DNAH7: variants seen among roughly 807,000 people sequenced by gnomAD.
The protein encoded by DNAH7 is dynein axonemal heavy chain 7, also known as axonemal beta dynein heavy chain 7.
In DNAH7, 397 loss-of-function variants were observed where a neutral mutation model predicts 444.6. The observed-to-expected ratio is 0.89, with a 90% CI of 0.82 to 0.97. The LOEUF is 0.97. Ranked by LOEUF, DNAH7 falls within the 50% of genes least tolerant of loss-of-function variation. DNAH7 has a pLI of 0.00. For synonymous variants in DNAH7, 1,636 were observed against 1,624.4 expected, an observed-to-expected ratio of 1.01 and a Z score of -0.17; for missense variants, 4,902 against 4,800.8, an observed-to-expected ratio of 1.02 and a Z score of -0.62.
chr2:196,003,839 TCA>T (rs1372280386), intron 10 of DNAH7, among the ~76,000 whole-genome samples: 7 of 152,172 alleles, frequency 4.6e-5, no homozygotes, highest in Non-Finnish European at 8.8e-5. Flanking sequence ...GCTAAGAGTC[TCA>T]GAGTTTCAAG....
chr2:195,918,736 T>C (rs1009903974), intron 24 of DNAH7, among the ~76,000 whole-genome samples: 4 of 152,114 alleles, frequency 2.6e-5, no homozygotes, highest in Non-Finnish European at 5.9e-5. Flanking sequence ...TCGACAGGGG[T>C]TCTGCGGGAG....
At position 195,796,611 on chromosome 2, in the gene DNAH7, T is replaced by TTG; in HGVS notation, c.10479_10480insCA (p.Thr3494GlnfsTer15). On this transcript the variant is annotated frameshift_variant, in exon 56 of 65. Transcript: ENST00000312428. LOFTEE classifies it high-confidence loss of function. ...TTCTCAAGGGTTGGCATCCAAGAGG[T>TTG]GGCAAGGTGACAATTCTGAAGAACA... The TTG allele has an allele frequency of 6.2e-7, 1 of 1,614,152 alleles. No homozygotes were observed. Among genetic ancestry groups the TTG allele is most frequent in the Non-Finnish European group, 8.5e-7 (1 of 1,180,004 alleles).
In DNAH7 at chr2:195,857,506, G is replaced by A; in HGVS notation, c.8285C>T (p.Pro2762Leu). 1 of 1,613,784 alleles carries A rather than the reference G, an allele frequency of 6.2e-7. No homozygotes were observed. Among genetic ancestry groups the A allele is most frequent in the Non-Finnish European group, 8.5e-7 (1 of 1,179,850 alleles). ...LHEYDKDNIPPAYMNIIRKNY... is the reference protein window; with the variant it reads ...LHEYDKDNIPLAYMNIIRKNY... ...TTTTCTTATGATATTCATATAAGCT[G>A]GAGGAATATTGTCCTTGTCATATTC... The change falls in exon 44 of 65, where the codon CCA (proline) becomes CTA (leucine). Residue 2762 changes from proline to leucine, a missense_variant. Pro to Leu is a moderately conservative substitution (Grantham distance 98). Coordinates refer to ENST00000312428, the MANE Select transcript of DNAH7 (RefSeq NM_018897.3).
At chr2:195,934,935 CA>C in intron 20 of DNAH7, 146 bp from the exon 21 acceptor site, 2 of 783,322 alleles carry the variant, frequency 2.6e-6, no homozygotes, top group South Asian at 3.7e-5. Context: ...AACAAACAAA[CA>C]AAAAACACAA....
At chr2:195,955,703 G>A (rs1028625939) in intron 19 of DNAH7, among the ~76,000 whole-genome samples, 1 of 151,988 alleles carries the variant, frequency 6.6e-6, no homozygotes, top group Non-Finnish European at 1.5e-5. Flanking sequence ...TGGCAATATG[G>A]AATTTTGAAG....
chr2:195,827,552 G>C (rs766813847), intron 48 of DNAH7, among the ~76,000 whole-genome samples: 16 of 152,044 alleles, frequency 1.1e-4, no homozygotes, highest in Non-Finnish European at 2.4e-4. Flanking sequence ...AAAATGCTGG[G>C]ATTACAGGTG....
In DNAH7 at chr2:195,857,509, G is replaced by A. The variant is rs1350992578; in HGVS notation, c.8282C>T (p.Pro2761Leu). Residue 2761 changes from proline (P) to leucine (L), a missense_variant, in exon 44 of 65, where the codon CCT becomes CTT. Physicochemically the swap from Pro to Leu is moderately conservative, Grantham distance 98. Transcript: ENST00000312428. The stretch of plus-strand genomic sequence containing the variant: ...TCTTATGATATTCATATAAGCTGGA[G>A]GAATATTGTCCTTGTCATATTCATG... Reference protein sequence around the residue: ...SLHEYDKDNIPPAYMNIIRKN... With the variant: ...SLHEYDKDNILPAYMNIIRKN... 1.2e-6 allele frequency: 2 copies of A among 1,613,644 alleles called. No homozygotes were observed. Among genetic ancestry groups the A allele is most frequent in the Non-Finnish European group, 1.7e-6 (2 of 1,179,850 alleles).
intron 46 of DNAH7, 24 bp downstream of exon 46, chr2:195,853,319 A>C: frequency 6.3e-7 from 1 of 1,598,104 alleles, no homozygotes; most frequent in Non-Finnish European, 8.5e-7. Context: ...GAGGGTCAGG[A>C]AGAGATGGAA....
intron 48 of DNAH7, among the ~76,000 whole-genome samples, chr2:195,829,799 TCCC>T (rs1208436274): frequency 1.3e-5 from 2 of 151,984 alleles, no homozygotes; most frequent in Non-Finnish European, 2.9e-5. Context: ...TTGATTCTTT[TCCC>T]CCAATTTTGA....
chr2:195,762,314 G>A (rs1574391769), intron 61 of DNAH7, among the ~76,000 whole-genome samples: 1 of 152,048 alleles, frequency 6.6e-6, no homozygotes. Flanking sequence ...TCATTAAGAG[G>A]AGAGGAAGGA....
At chr2:195,965,693 G>C (rs1171693189) in intron 17 of DNAH7, among the ~76,000 whole-genome samples, 1 of 151,960 alleles carries the variant, frequency 6.6e-6, no homozygotes, top group Admixed American at 6.6e-5. Flanking sequence ...TTCAATCTTG[G>C]TACTTTGTGT....
rs562379191 is a variant in DNAH7 at position 195,895,384 on chromosome 2, C to CT, written c.4648-161dup. Among the ~76,000 whole-genome samples the CT allele has an allele frequency of 2.4e-4, 36 of 151,984 alleles. No individual in the cohort carries two copies. The East Asian group carries it at 6.8e-3, about 29-fold the overall frequency. On this transcript the variant is annotated intron_variant, in intron 29 of 64. Transcript: ENST00000312428. ...CACATACGCAAACGTGTATTTTTTT[C>CT]TTTTTTTCAATTTTTAAATTGTGAT...
At position 195,810,032 on chromosome 2, in the gene DNAH7, A is replaced by C. The variant is rs535401432; in HGVS notation, c.9762-161T>G. Among the ~76,000 whole-genome samples the C allele has an allele frequency of 3.3e-5, 5 of 152,266 alleles. No individual in the cohort carries two copies. The South Asian group carries it at 1.0e-3, about 32-fold the overall frequency. ...TTGGGTGTACCAATTTGAGAGCTAC[A>C]CAATGTAGAAACACTTCAGTCCAAT... On this transcript the variant is annotated intron_variant, in intron 51 of 64. Coordinates refer to ENST00000312428, the MANE Select transcript of DNAH7 (RefSeq NM_018897.3).
intron 22 of DNAH7, among the ~76,000 whole-genome samples, chr2:195,925,583 A>G (rs954283768): frequency 1.3e-5 from 2 of 152,134 alleles, no homozygotes; most frequent in African/African-American, 4.8e-5. Flanking sequence ...CTTGTAGAGG[A>G]GAAGTAGGTG....
chr2:195,756,749 T>A (rs1247197032), intron 61 of DNAH7, among the ~76,000 whole-genome samples: 1 of 152,126 alleles, frequency 6.6e-6, no homozygotes, highest in Non-Finnish European at 1.5e-5. Flanking sequence ...ATCCTAGGAC[T>A]TTGGGGCCGA....
At chr2:196,031,515 C>G (rs1160286031) in intron 5 of DNAH7, among the ~76,000 whole-genome samples, 1 of 152,158 alleles carries the variant, frequency 6.6e-6, no homozygotes, top group African/African-American at 2.4e-5. Context: ...CCTATCGTAT[C>G]GTCAGGCTGC....
rs1049296150 is a variant in DNAH7 at position 195,738,102 on chromosome 2, G to C, written c.11894C>G (p.Ala3965Gly). 2 of 1,613,678 alleles carry C rather than the reference G, an allele frequency of 1.2e-6. No individual in the cohort carries two copies. Among genetic ancestry groups the C allele is most frequent in the African/African-American group, 2.7e-5 (2 of 74,906 alleles). ...ATAACTTGGCCGTTTTGGTATATCT[G>C]CCCTCTTACAGGGCTTTAGCCACAT... ...PVMWLKPCKR[A>G]DIPKRPSYVA... The change falls in exon 65 of 65, where the codon GCA becomes GGA. Residue 3965 changes from alanine (A) to glycine (G), a missense_variant. By Grantham distance (60) the Ala-to-Gly change is moderately conservative. Transcript: ENST00000312428.
Position 195,737,941 on chromosome 2 carries a change from A to AGTAAAATAATATG in DNAH7, c.12054_12055insCATATTATTTTAC (p.Leu4019HisfsTer9), listed in dbSNP as rs1692738980. 1 of 1,613,914 alleles carries AGTAAAATAATATG rather than the reference A, an allele frequency of 6.2e-7. No individual in the cohort carries two copies. Among genetic ancestry groups the AGTAAAATAATATG allele is most frequent in the Admixed American group, 1.7e-5 (1 of 60,000 alleles). The stretch of plus-strand genomic sequence containing the variant: ...TCTGGTTATGAATTAAGTTGACATA[A>AGTAAAATAATATG]CAGTGCTACACCTCGTCCAATCCAG... On this transcript the variant is annotated frameshift_variant, in exon 65 of 65. Coordinates refer to ENST00000312428, the MANE Select transcript of DNAH7 (RefSeq NM_018897.3). LOFTEE classifies it high-confidence loss of function.
intron 64 of DNAH7, among the ~76,000 whole-genome samples, chr2:195,739,341 T>C (rs556912987): frequency 1.3e-5 from 2 of 152,334 alleles, no homozygotes; most frequent in South Asian, 2.1e-4. Context: ...TTACAGTTGC[T>C]CTGAAGGGGT....
Sources: allele counts gnomAD v4.1 joint callset (sites outside exome capture counted in the v4.1 genomes callset), GRCh38; gene constraint gnomAD v4.1.1; transcripts MANE v1.5; gene names NCBI Gene and HGNC (gene_info 2026-07-23, HGNC 2026-07-21).